PPP2R5E: variants seen among roughly 807,000 people sequenced by gnomAD.
The protein encoded by PPP2R5E is protein phosphatase 2 regulatory subunit B'epsilon.
A neutral mutation model predicts 65.3 loss-of-function variants in PPP2R5E; 4 were observed. That is an observed-to-expected ratio of 0.06 (90% CI 0.03 to 0.14). The LOEUF (loss-of-function observed/expected upper bound fraction) is 0.14, where lower values mean the gene tolerates loss of function less well. Ranked by LOEUF, PPP2R5E falls within the 10% of genes least tolerant of loss-of-function variation. The pLI is 1.00. For synonymous variants in PPP2R5E, 183 were observed against 187.4 expected (o/e 0.98, Z 0.19); for missense variants, 274 against 556.1 (o/e 0.49, Z 5.10).
rs140807440 is a variant in PPP2R5E at position 63,453,702 on chromosome 14, T to C, written c.341A>G (p.Glu114Gly). The C allele has an allele frequency of 5.6e-6, 9 of 1,613,674 alleles. No individual in the cohort carries two copies. The highest frequency in any genetic ancestry group is 4.0e-5 in the African/African-American group (3 of 75,014). The change falls in exon 3 of 14, where the codon GAA becomes GGA. Residue 114 changes from glutamate (E) to glycine (G), a missense_variant. Glu to Gly is a moderately conservative substitution (Grantham distance 98). This residue lies in a region of PPP2R5E where 51 missense variants were observed against 101.1 expected (regional missense o/e 0.50). Coordinates refer to ENST00000337537, the MANE Select transcript of PPP2R5E (RefSeq NM_006246.5). ...AAAGAAACTCACCATTCTAACTACTTCAGGGTAAGTCTGCTCTGTCAAACA... is the reference window on the plus strand; with the variant it reads ...AAAGAAACTCACCATTCTAACTACTCCAGGGTAAGTCTGCTCTGTCAAACA... ...RGCLTEQTYPEVVRMVSCNIF... is the reference protein window; with the variant it reads ...RGCLTEQTYPGVVRMVSCNIF...
intron 2 of PPP2R5E, among the ~76,000 whole-genome samples, chr14:63,492,886 C>A (rs1245106613): frequency 1.3e-5 from 2 of 152,092 alleles, no homozygotes; most frequent in Admixed American, 6.6e-5. Flanking sequence ...CCAGAAATTG[C>A]GTCTTTAGAC....
intron 4 of PPP2R5E, among the ~76,000 whole-genome samples, chr14:63,418,438 T>C (rs901424619): frequency 1.3e-5 from 2 of 152,238 alleles, no homozygotes; most frequent in African/African-American, 4.8e-5. Flanking sequence ...ATAAGTGTTC[T>C]CTGCACTTAA....
intron 4 of PPP2R5E, among the ~76,000 whole-genome samples, chr14:63,419,780 T>C (rs1886900906): frequency 6.6e-6 from 1 of 152,208 alleles, no homozygotes; most frequent in African/African-American, 2.4e-5. Flanking sequence ...CAAAGGATAA[T>C]AACCTTGAAC....
intron 11 of PPP2R5E, among the ~76,000 whole-genome samples, chr14:63,388,478 T>C (rs988908954): frequency 3.3e-5 from 5 of 152,066 alleles, no homozygotes; most frequent in Admixed American, 3.3e-4. Context: ...TTCCTTGACC[T>C]CCATAATGCC....
intron 2 of PPP2R5E, among the ~76,000 whole-genome samples, chr14:63,527,423 T>C (rs1250125286): frequency 2.0e-5 from 3 of 152,246 alleles, no homozygotes; most frequent in Non-Finnish European, 4.4e-5. Context: ...AAAGAATCCA[T>C]GTAACGTGTT....
intron 5 of PPP2R5E, among the ~76,000 whole-genome samples, chr14:63,405,066 T>C (rs1056095613): frequency 1.3e-5 from 2 of 152,190 alleles, no homozygotes; most frequent in African/African-American, 4.8e-5. Flanking sequence ...GCACAAATTA[T>C]ACAACCAGGA....
intron 2 of PPP2R5E, among the ~76,000 whole-genome samples, chr14:63,455,250 C>CCCCA (rs1889053625): frequency 6.6e-6 from 1 of 152,158 alleles, no homozygotes; most frequent in Non-Finnish European, 1.5e-5. Context: ...CCACCTTACA[C>CCCCA]CCCACAACCC....
chr14:63,522,877 G>C (rs1483916774), intron 2 of PPP2R5E, among the ~76,000 whole-genome samples: 3 of 144,820 alleles, frequency 2.1e-5, no homozygotes, highest in Admixed American at 1.3e-4. Context: ...TCAGCCCCCC[G>C]CCCGGCCAGC....
intron 2 of PPP2R5E, among the ~76,000 whole-genome samples, 172 bp downstream of exon 2, chr14:63,539,357 G>T (rs1280475275): frequency 1.3e-5 from 2 of 152,174 alleles, no homozygotes; most frequent in East Asian, 3.8e-4. Context: ...ACTAAATTGA[G>T]CCTTTAAAAA....
intron 2 of PPP2R5E, among the ~76,000 whole-genome samples, chr14:63,459,843 A>G (rs1483189701): frequency 6.6e-6 from 1 of 152,194 alleles, no homozygotes; most frequent in Non-Finnish European, 1.5e-5. Flanking sequence ...CCATTATTTA[A>G]AGCTAGCAGT....
chr14:63,373,513 A>C lies in PPP2R5E; in HGVS notation c.*2496T>G, dbSNP rs1158550649. ...TTGTCACTTTCCATTAAAAAAGAAAAAGACGGTGTTTCTTCTCAGAAGTTG... is the reference window on the plus strand; with the variant it reads ...TTGTCACTTTCCATTAAAAAAGAAACAGACGGTGTTTCTTCTCAGAAGTTG... On this transcript the variant is annotated 3_prime_UTR_variant, in exon 14 of 14. Coordinates refer to ENST00000337537, the MANE Select transcript of PPP2R5E (RefSeq NM_006246.5). 1 of 152,220 alleles carries C rather than the reference A, an allele frequency of 6.6e-6. No homozygotes were observed. The highest frequency in any genetic ancestry group is 1.5e-5 in the Non-Finnish European group (1 of 68,046). 9.4% of individuals were successfully genotyped at this position (152,220 alleles called of 1,614,324 possible). A position where few individuals can be genotyped will look rare whatever the true frequency, so the allele number is the denominator to read the frequency against.
At chr14:63,384,423 G>A in intron 12 of PPP2R5E, 21 bp downstream of exon 12, 2 of 1,606,040 alleles carry the variant, frequency 1.2e-6, no homozygotes, top group South Asian at 1.1e-5. Context: ...AGAGAACGGA[G>A]GAAAGAAACT....
chr14:63,379,940 C>T (rs1175770265), intron 13 of PPP2R5E, among the ~76,000 whole-genome samples: 1 of 148,486 alleles, frequency 6.7e-6, no homozygotes, highest in Non-Finnish European at 1.5e-5. Flanking sequence ...GTTCAACTGA[C>T]CCTCCCAACT....
At chr14:63,484,604 C>G (rs982035466) in intron 2 of PPP2R5E, among the ~76,000 whole-genome samples, 1 of 152,056 alleles carries the variant, frequency 6.6e-6, no homozygotes, top group Non-Finnish European at 1.5e-5. Flanking sequence ...ACTTTTGGAA[C>G]CACAAGAAAC....
intron 2 of PPP2R5E, among the ~76,000 whole-genome samples, chr14:63,536,752 A>G (rs1003857687): frequency 1.6e-4 from 25 of 152,262 alleles, no homozygotes; most frequent in African/African-American, 6.0e-4. Flanking sequence ...CACTTGACTA[A>G]GTGAAATAAG....
At chr14:63,477,013 T>C (rs549181353) in intron 2 of PPP2R5E, among the ~76,000 whole-genome samples, 7 of 152,200 alleles carry the variant, frequency 4.6e-5, no homozygotes, top group African/African-American at 1.7e-4. Context: ...TAAATGGTGA[T>C]TTACAAGGAC....
At chr14:63,494,524 C>A (rs1159896121) in intron 2 of PPP2R5E, among the ~76,000 whole-genome samples, 1 of 150,818 alleles carries the variant, frequency 6.6e-6, no homozygotes, top group Non-Finnish European at 1.5e-5. Context: ...CGTGAGCCAC[C>A]GCGCCCGGCT....
At chr14:63,522,335 G>A (rs1247864857) in intron 2 of PPP2R5E, among the ~76,000 whole-genome samples, 4 of 151,924 alleles carry the variant, frequency 2.6e-5, no homozygotes, top group African/African-American at 9.6e-5. Context: ...CTCCCAAAGT[G>A]CCGAGATTGC....
chr14:63,515,444 C>A (rs571843989), intron 2 of PPP2R5E, among the ~76,000 whole-genome samples: 1 of 152,334 alleles, frequency 6.6e-6, no homozygotes, highest in Non-Finnish European at 1.5e-5. Context: ...TCTGCACTGT[C>A]AGTGATTTCT....
Sources: allele counts gnomAD v4.1 joint callset (sites outside exome capture counted in the v4.1 genomes callset), GRCh38; gene constraint gnomAD v4.1.1; regional missense constraint gnomAD v4.1.1; transcripts MANE v1.5; gene names NCBI Gene and HGNC (gene_info 2026-07-23, HGNC 2026-07-21).